KDM1B: variants seen among roughly 807,000 people sequenced by gnomAD.
KDM1B encodes lysine-specific histone demethylase 2.
Under a neutral mutation model 107.4 loss-of-function variants are expected in KDM1B, and 63 were observed. That is an observed-to-expected ratio of 0.59 (90% confidence interval 0.48 to 0.72). The LOEUF is 0.72. Among genes scored for constraint, KDM1B ranks in the 30% least tolerant of loss-of-function variants. KDM1B has a pLI of 0.00. For synonymous variants in KDM1B, 363 were observed against 363.9 expected (o/e 1.00, Z 0.03); for missense variants, 749 against 1,020.8 (o/e 0.73, Z 3.63).
intron 7 of KDM1B, among the ~76,000 whole-genome samples, chr6:18,174,942 C>T (rs553433725): frequency 3.2e-4 from 48 of 152,218 alleles, no homozygotes; most frequent in Admixed American, 1.2e-3. Context: ...AACTGTGCTG[C>T]TATAAACATG....
intron 6 of KDM1B, among the ~76,000 whole-genome samples, chr6:18,167,729 C>T (rs1785398004): frequency 6.6e-6 from 1 of 151,952 alleles, no homozygotes; most frequent in Non-Finnish European, 1.5e-5. Context: ...CTGCCTCAGC[C>T]TCCCACAGTG....
chr6:18,171,577 G>A (rs921824155), intron 7 of KDM1B, 98 bp downstream of exon 7: 36 of 739,336 alleles, frequency 4.9e-5, no homozygotes, highest in South Asian at 4.4e-4. Context: ...TGATCATTCT[G>A]TCAAGGTTGT....
At chr6:18,171,614 A>G (rs1162124173) in intron 7 of KDM1B, 135 bp downstream of exon 7, 2 of 649,174 alleles carry the variant, frequency 3.1e-6, no homozygotes, top group Non-Finnish European at 5.6e-6. Flanking sequence ...TAGAACCCCA[A>G]CTATAATGGC....
chr6:18,178,780 A>G (rs534725363), intron 7 of KDM1B, among the ~76,000 whole-genome samples: 3 of 152,360 alleles, frequency 2.0e-5, no homozygotes, highest in South Asian at 4.1e-4. Flanking sequence ...CCTTGTACCC[A>G]GAGACTTTGT....
Position 18,212,586 on chromosome 6 carries a change from C to T in KDM1B, c.1965C>T (p.Gly655=), listed in dbSNP as rs1327873622. Residue 655 remains glycine, a synonymous_variant, in exon 18 of 22, where the codon GGC becomes GGT. Coordinates refer to ENST00000650836, the MANE Select transcript of KDM1B (RefSeq NM_001364614.2). The surrounding 1 kb of genome is among the most constrained non-coding windows in gnomAD (Gnocchi z 5.2). ...EKKMKAINSL[G]AGIIEKIALQ... is the part of the protein sequence containing the mutation. ...AGATGAAGGCTATCAACAGCTTAGG[C>T]GCAGGCATCATTGAAAAGGTGACTG... The T allele has an allele frequency of 7.4e-6, 12 of 1,611,978 alleles. No homozygotes were observed. Among genetic ancestry groups the T allele is most frequent in the East Asian group, 6.7e-5 (3 of 44,886 alleles).
In KDM1B at chr6:18,200,089, G is replaced by T. The variant is rs146186659; in HGVS notation, c.1222-350G>T. On this transcript the variant is annotated intron_variant, in intron 12 of 21. Transcript: ENST00000650836. This position sits in a 1 kb window ranked among gnomAD's most constrained non-coding sequence, Gnocchi z 4.3. ...GGGTTTCACCATGTTGGCCAAACTG[G>T]TCACAAACTCTTGGCCTCATGTGAT... 2.3e-3 allele frequency among the ~76,000 whole-genome samples: 353 copies of T among 152,264 alleles called. 2 individuals are homozygous for T. The highest frequency in any genetic ancestry group is 8.1e-3 in the African/African-American group (336 of 41,538).
In KDM1B at chr6:18,158,126, T is replaced by G. The variant is rs574926384; in HGVS notation, c.-13-1757T>G. ...CCGCGCTGGCCGGTGGATAGTACTT[T>G]GAACATCATTAGCATTTTCTCCAAC... On this transcript the variant is annotated intron_variant, in intron 2 of 21. Transcript: ENST00000650836. Among the ~76,000 whole-genome samples, 100 of 152,126 alleles carry G rather than the reference T, an allele frequency of 6.6e-4. 1 individual carries two copies. The highest frequency in any genetic ancestry group is 1.2e-3 in the Non-Finnish European group (82 of 68,008).
At chr6:18,174,296 T>A (rs1785851119) in intron 7 of KDM1B, among the ~76,000 whole-genome samples, 1 of 152,116 alleles carries the variant, frequency 6.6e-6, no homozygotes, top group Non-Finnish European at 1.5e-5. Flanking sequence ...TATATTTCCA[T>A]GTAAATATCA....
intron 6 of KDM1B, among the ~76,000 whole-genome samples, chr6:18,170,850 T>G (rs924902623): frequency 2.0e-4 from 30 of 151,676 alleles, no homozygotes; most frequent in African/African-American, 7.3e-4. Context: ...AGACGGAGTC[T>G]TGCTCCGTTG....
rs73381352 is a variant in KDM1B, at chr6:18,195,165, A to G, written c.970-1892A>G. On this transcript the variant is annotated intron_variant, in intron 10 of 21. Coordinates refer to ENST00000650836, the MANE Select transcript of KDM1B (RefSeq NM_001364614.2). ...AATAATATTTCATTGTTCATATCAC[A>G]TTTTGTTTGTCCATTCGTCCACTGA... Among the ~76,000 whole-genome samples, 333 of 152,212 alleles carry G rather than the reference A, an allele frequency of 2.2e-3. 1 individual carries two copies. The highest frequency in any genetic ancestry group is 7.7e-3 in the African/African-American group (318 of 41,528).
chr6:18,175,260 A>G (rs1582110220), intron 7 of KDM1B, among the ~76,000 whole-genome samples: 1 of 152,084 alleles, frequency 6.6e-6, no homozygotes, highest in South Asian at 2.1e-4. Flanking sequence ...ATTTTTTCAT[A>G]TGTTTGTTGG....
At chr6:18,183,939 G>T (rs991525470) in intron 7 of KDM1B, among the ~76,000 whole-genome samples, 4 of 152,036 alleles carry the variant, frequency 2.6e-5, no homozygotes, top group African/African-American at 9.7e-5. Context: ...ACAGTCCAAG[G>T]ACTAGAACTG....
At chr6:18,206,523 G>GA (rs1281849964) in intron 15 of KDM1B, among the ~76,000 whole-genome samples, 1 of 152,104 alleles carries the variant, frequency 6.6e-6, no homozygotes. Context: ...TCTAGGGGGA[G>GA]AAAAAAGAAA....
intron 12 of KDM1B, among the ~76,000 whole-genome samples, chr6:18,199,913 C>T (rs191327144): frequency 1.0e-3 from 153 of 152,274 alleles, no homozygotes; most frequent in African/African-American, 3.5e-3. Context: ...AGGTCTCACT[C>T]TGTTGCCCAG....
At chr6:18,158,331 A>AT (rs1784762069) in intron 2 of KDM1B, among the ~76,000 whole-genome samples, 2 of 151,758 alleles carry the variant, frequency 1.3e-5, no homozygotes, top group Non-Finnish European at 1.5e-5. Flanking sequence ...CACAAAAAAA[A>AT]AAAAAAAAAA....
chr6:18,163,613 GACA>G (rs949280275), intron 5 of KDM1B, among the ~76,000 whole-genome samples: 1 of 151,916 alleles, frequency 6.6e-6, no homozygotes, highest in Admixed American at 6.6e-5. Flanking sequence ...CACAAATTTT[GACA>G]ACTTTTATTT....
In KDM1B at chr6:18,172,283, ACTG is replaced by A. The variant is rs762121751; in HGVS notation, c.534+805_534+807del. On this transcript the variant is annotated intron_variant, in intron 7 of 21. Coordinates refer to ENST00000650836, the MANE Select transcript of KDM1B (RefSeq NM_001364614.2). The surrounding 1 kb of genome is among the most constrained non-coding windows in gnomAD (Gnocchi z 5.2). ...AAGGGTGTTAGTCTACACAAATGCC[ACTG>A]GTACCTGCAGTACATTAAAGAATAT... 1.5e-4 allele frequency among the ~76,000 whole-genome samples: 23 copies of A among 152,232 alleles called. No individual in the cohort carries two copies. The highest frequency in any genetic ancestry group is 2.9e-4 in the Non-Finnish European group (20 of 68,038).
chr6:18,190,123 C>A (rs1354279444), intron 9 of KDM1B, among the ~76,000 whole-genome samples: 1 of 151,116 alleles, frequency 6.6e-6, no homozygotes, highest in Non-Finnish European at 1.5e-5. Flanking sequence ...ACACTCCAGC[C>A]TGGGTGACAG....
chr6:18,220,755 CGAT>C (rs1269010773), intron 21 of KDM1B, among the ~76,000 whole-genome samples: 3 of 150,918 alleles, frequency 2.0e-5, no homozygotes, highest in Non-Finnish European at 4.4e-5. Flanking sequence ...TGCTTTGATG[CGAT>C]TATTACCTCA....
Sources: allele counts gnomAD v4.1 joint callset (sites outside exome capture counted in the v4.1 genomes callset), GRCh38; gene constraint gnomAD v4.1.1; non-coding constraint Gnocchi (gnomAD v3.1); transcripts MANE v1.5; gene names NCBI Gene and HGNC (gene_info 2026-07-23, HGNC 2026-07-21).